HSD17B12: variants seen among roughly 807,000 people sequenced by gnomAD.
HSD17B12 encodes the protein very-long-chain 3-oxoacyl-CoA reductase.
In HSD17B12, 32 loss-of-function variants were observed where a neutral mutation model predicts 39.3. The ratio of observed to expected loss-of-function variants is 0.81; its 90% CI spans 0.61 to 1.09. The LOEUF (loss-of-function observed/expected upper bound fraction) is 1.09, where lower values mean the gene tolerates loss of function less well. Among genes scored for constraint, HSD17B12 ranks in the 50% least tolerant of loss-of-function variants. The pLI is 0.00. For synonymous variants in HSD17B12, 150 were observed against 146.7 expected, an observed-to-expected ratio of 1.02 and a Z score of -0.16; for missense variants, 342 against 382.9, an observed-to-expected ratio of 0.89 and a Z score of 0.89.
chr11:43,757,014 G>A (rs544404553), intron 3 of HSD17B12, among the ~76,000 whole-genome samples: 1 of 152,182 alleles, frequency 6.6e-6, no homozygotes, highest in African/African-American at 2.4e-5. Flanking sequence ...AATAGGAGAG[G>A]TGATATCAGC....
chr11:43,796,737 T>C (rs1408855991), intron 3 of HSD17B12, among the ~76,000 whole-genome samples: 1 of 152,194 alleles, frequency 6.6e-6, no homozygotes, highest in Non-Finnish European at 1.5e-5. Flanking sequence ...AATACTAGTA[T>C]GGAAAAATAA....
At chr11:43,845,789 C>A (rs1836463122) in intron 9 of HSD17B12, among the ~76,000 whole-genome samples, 1 of 152,166 alleles carries the variant, frequency 6.6e-6, no homozygotes, top group Non-Finnish European at 1.5e-5. Context: ...ACTATTATTT[C>A]CCTTGCACTA....
At chr11:43,659,488 G>A in the HSD17B12 span, among the ~76,000 whole-genome samples, 14 of 152,166 alleles carry the variant, frequency 9.2e-5, no homozygotes, top group Admixed American at 5.2e-4. Flanking sequence ...CATCGCTCAC[G>A]CTGGGAGCTG....
chr11:43,704,262 G>A (rs534640883), intron 1 of HSD17B12, among the ~76,000 whole-genome samples: 1 of 152,320 alleles, frequency 6.6e-6, no homozygotes, highest in East Asian at 1.9e-4. Flanking sequence ...GGCATAAGTT[G>A]ATGTAGTTGA....
the HSD17B12 span, among the ~76,000 whole-genome samples, chr11:43,588,638 A>ATTATTATTATTATT: frequency 8.0e-5 from 5 of 62,864 alleles, no homozygotes; most frequent in East Asian, 9.4e-4. Context: ...TTATTATTAT[A>ATTATTATTATTATT]GTGTTCTCTT....
At chr11:43,736,582 G>C (rs1317100762) in intron 1 of HSD17B12, among the ~76,000 whole-genome samples, 2 of 152,282 alleles carry the variant, frequency 1.3e-5, no homozygotes, top group East Asian at 3.9e-4. Flanking sequence ...CATACCATGG[G>C]ATTGTGGAAA....
At chr11:43,815,401 A>G (rs1425164973) in intron 4 of HSD17B12, 36 bp from the exon 5 acceptor site, 2 of 1,199,280 alleles carry the variant, frequency 1.7e-6, no homozygotes, top group Non-Finnish European at 1.2e-6. Flanking sequence ...TAAAATATGC[A>G]TATGTTACTC....
At chr11:43,765,481 T>C (rs1269392368) in intron 3 of HSD17B12, among the ~76,000 whole-genome samples, 1 of 151,990 alleles carries the variant, frequency 6.6e-6, no homozygotes, top group Non-Finnish European at 1.5e-5. Flanking sequence ...TAAGTTTTTT[T>C]TTTTTTAATT....
At chr11:43,715,721 T>C (rs1332331725) in intron 1 of HSD17B12, among the ~76,000 whole-genome samples, 1 of 152,186 alleles carries the variant, frequency 6.6e-6, no homozygotes, top group Non-Finnish European at 1.5e-5. Context: ...TCCTTGTACC[T>C]CTCGTAGAAT....
At chr11:43,679,931 T>C (rs1949724984), upstream of HSD17B12, among the ~76,000 whole-genome samples, 1 of 152,032 alleles carries the variant, frequency 6.6e-6, no homozygotes, top group South Asian at 2.1e-4. Flanking sequence ...TGCAAGCCTT[T>C]ATCTGGAAAA....
chr11:43,722,921 T>G (rs1279652681), intron 1 of HSD17B12, among the ~76,000 whole-genome samples: 1 of 152,186 alleles, frequency 6.6e-6, no homozygotes, highest in Admixed American at 6.5e-5. Flanking sequence ...GGGGTAGTGA[T>G]GTGATGTCAT....
At chr11:43,694,561 G>A (rs1949892342) in intron 1 of HSD17B12, among the ~76,000 whole-genome samples, 1 of 152,136 alleles carries the variant, frequency 6.6e-6, no homozygotes, top group African/African-American at 2.4e-5. Context: ...GGTGGTACAT[G>A]CCTGTAGTCC....
chr11:43,670,033 G>C, the HSD17B12 span, among the ~76,000 whole-genome samples: 1 of 152,240 alleles, frequency 6.6e-6, no homozygotes, highest in African/African-American at 2.4e-5. Context: ...AGCTGAAAGA[G>C]AAGTTGAACT....
intron 1 of HSD17B12, chr11:43,718,896 A>C: frequency 1.1e-6 from 1 of 930,476 alleles, no homozygotes; most frequent in Admixed American, 1.7e-5. Context: ...CTTGACCACT[A>C]TGCTGTCATC....
intron 1 of HSD17B12, among the ~76,000 whole-genome samples, chr11:43,690,637 G>A (rs773149382): frequency 5.0e-4 from 75 of 151,116 alleles, no homozygotes; most frequent in Non-Finnish European, 8.8e-4. Flanking sequence ...AATATTAGCG[G>A]TTTCCCAACC....
At chr11:43,707,802 T>G (rs570480645) in intron 1 of HSD17B12, among the ~76,000 whole-genome samples, 21 of 152,358 alleles carry the variant, frequency 1.4e-4, no homozygotes, top group African/African-American at 4.8e-4. Flanking sequence ...AAAATTAAAG[T>G]GGACTATCTA....
chr11:43,777,494 A>C (rs936089562), intron 3 of HSD17B12, among the ~76,000 whole-genome samples: 4 of 152,204 alleles, frequency 2.6e-5, no homozygotes, highest in African/African-American at 9.7e-5. Context: ...TATCAGCTTA[A>C]GGAGATTTTG....
the HSD17B12 span, among the ~76,000 whole-genome samples, chr11:43,669,489 A>G: frequency 2.0e-5 from 3 of 149,266 alleles, no homozygotes; most frequent in Non-Finnish European, 3.0e-5. Flanking sequence ...CAACAAAGTT[A>G]GACTCTGTTT....
intron 3 of HSD17B12, among the ~76,000 whole-genome samples, chr11:43,767,112 C>A (rs1950602279): frequency 6.6e-6 from 1 of 152,070 alleles, no homozygotes; most frequent in South Asian, 2.1e-4. Flanking sequence ...ACTAGCTGTA[C>A]CTCTCAACAT....
Sources: allele counts gnomAD v4.1 joint callset (sites outside exome capture counted in the v4.1 genomes callset), GRCh38; gene constraint gnomAD v4.1.1; transcripts MANE v1.5; gene names NCBI Gene and HGNC (gene_info 2026-07-23, HGNC 2026-07-21).